ZNF680: variants seen among roughly 807,000 people sequenced by gnomAD.
ZNF680 encodes zinc finger protein 680.
A neutral mutation model predicts 12.1 loss-of-function variants in ZNF680; 6 were observed. The ratio of observed to expected loss-of-function variants is 0.49; its 90% CI spans 0.27 to 0.98. The LOEUF (loss-of-function observed/expected upper bound fraction) is 0.98. Among genes scored for constraint, ZNF680 ranks in the 50% least tolerant of loss-of-function variants. ZNF680 has a pLI of 0.12. For missense variants in ZNF680, 561 were observed against 616.3 expected (o/e 0.91, Z 0.95); for synonymous variants, 170 against 199.3 (o/e 0.85, Z 1.24).
chr7:64,512,457 C>CAAAAAAAAA, the ZNF680 span, among the ~76,000 whole-genome samples: 4 of 87,234 alleles, frequency 4.6e-5, no homozygotes, highest in African/African-American at 8.8e-5. Flanking sequence ...CCGTCTCCAG[C>CAAAAAAAAA]AAAAAAAAAA....
intron 3 of ZNF680, among the ~76,000 whole-genome samples, chr7:64,542,192 T>C (rs1786541906): frequency 6.6e-6 from 1 of 152,092 alleles, no homozygotes; most frequent in Non-Finnish European, 1.5e-5. Context: ...CCCTCTCCAC[T>C]ACAAACCCAG....
At chr7:64,548,401 A>G (rs79630343) in intron 1 of ZNF680, among the ~76,000 whole-genome samples, 2,858 of 152,332 alleles carry the variant, frequency 0.019, 107 homozygotes, top group African/African-American at 0.064. Context: ...ACATTGTACC[A>G]ACCATATACT....
At chr7:64,510,923 A>ATAT in the ZNF680 span, among the ~76,000 whole-genome samples, 1 of 69,612 alleles carries the variant, frequency 1.4e-5, no homozygotes, top group Non-Finnish European at 2.7e-5. Flanking sequence ...AAAAAAAAAT[A>ATAT]AAAAATAAAA....
chr7:64,557,656 G>C (rs1370023369), intron 1 of ZNF680, among the ~76,000 whole-genome samples: 1 of 152,216 alleles, frequency 6.6e-6, no homozygotes, highest in Non-Finnish European at 1.5e-5. Context: ...GGGAGGCTGA[G>C]GCAGGCAGAT....
At chr7:64,522,688 A>G (rs911302046) in intron 3 of ZNF680, among the ~76,000 whole-genome samples, 188 bp from the exon 4 acceptor site, 1 of 151,994 alleles carries the variant, frequency 6.6e-6, no homozygotes, top group Non-Finnish European at 1.5e-5. Context: ...TAGGATACAC[A>G]CAATGATATT....
intron 3 of ZNF680, among the ~76,000 whole-genome samples, chr7:64,539,281 TG>T: frequency 7.2e-6 from 1 of 139,024 alleles, no homozygotes; most frequent in East Asian, 2.3e-4. Flanking sequence ...TGTTTGAACC[TG>T]GGAGGTAGAG....
chr7:64,539,062 C>T (rs930897770), intron 3 of ZNF680, among the ~76,000 whole-genome samples: 15 of 134,788 alleles, frequency 1.1e-4, no homozygotes, highest in Admixed American at 6.7e-4. Context: ...ACCTGGGAGG[C>T]GGAGACTGCA....
Position 64,522,119 on chromosome 7 carries a change from C to T in ZNF680, c.635G>A (p.Cys212Tyr), listed in dbSNP as rs753015464. Residue 212 changes from cysteine (C) to tyrosine (Y), a missense_variant, in exon 4 of 4, where the codon TGT becomes TAT. Physicochemically the swap from Cys to Tyr is radical, Grantham distance 194. Coordinates refer to ENST00000309683, the MANE Select transcript of ZNF680 (RefSeq NM_178558.5). ...GTTAAGAACTTTGCCACATTCCTCA[C>T]ATTTGTAAGAATTCTCTCTAGTGTG... ...RIHTRENSYK[C>Y]EECGKVLNWF... 7 of 1,611,264 alleles carry T rather than the reference C, an allele frequency of 4.3e-6. No individual in the cohort carries two copies. The Admixed American group carries it at 6.7e-5, about 15-fold the overall frequency.
chr7:64,503,840 C>T, the ZNF680 span, among the ~76,000 whole-genome samples: 1 of 152,156 alleles, frequency 6.6e-6, no homozygotes, highest in African/African-American at 2.4e-5. Context: ...CCACTCACTA[C>T]TAGTCAATGT....
chr7:64,521,187 A>T lies in ZNF680; in HGVS notation c.1567T>A (p.Cys523Ser). ...TAGGTGTTATCAAAATTATTGTCAC[A>T]TTTTTCAGGTTTGTAGAGTTTCTCA... Reference protein sequence around the residue: ...TGEKLYKPEKCDNNFDNT With the variant: ...TGEKLYKPEKSDNNFDNT Residue 523 changes from cysteine to serine, a missense_variant, in exon 4 of 4, where the codon TGT becomes AGT. Cys to Ser is a moderately radical substitution (Grantham distance 112). Transcript: ENST00000309683. The T allele has an allele frequency of 6.2e-7, 1 of 1,608,954 alleles. No homozygotes were observed. The highest frequency in any genetic ancestry group is 8.5e-7 in the Non-Finnish European group (1 of 1,178,036).
intron 1 of ZNF680, among the ~76,000 whole-genome samples, chr7:64,560,279 A>G (rs1787662368): frequency 6.6e-6 from 1 of 151,886 alleles, no homozygotes; most frequent in Non-Finnish European, 1.5e-5. Context: ...ACGCCCGGCT[A>G]ATTTTTGTAT....
chr7:64,528,816 C>A (rs1785704643), intron 3 of ZNF680, among the ~76,000 whole-genome samples: 1 of 152,150 alleles, frequency 6.6e-6, no homozygotes, highest in Non-Finnish European at 1.5e-5. Context: ...CTCCACCCTA[C>A]CACAGCTGAT....
chr7:64,531,606 A>AAC (rs1361624848), intron 3 of ZNF680, among the ~76,000 whole-genome samples: 3 of 151,742 alleles, frequency 2.0e-5, no homozygotes, highest in Non-Finnish European at 2.9e-5. Flanking sequence ...CAAAAAAAAA[A>AAC]AAAAAAAAAC....
intron 3 of ZNF680, among the ~76,000 whole-genome samples, chr7:64,523,934 A>G (rs934648929): frequency 6.6e-6 from 1 of 152,116 alleles, no homozygotes; most frequent in Non-Finnish European, 1.5e-5. Flanking sequence ...AAGAATTTTA[A>G]AAACCAAGAT....
intron 3 of ZNF680, among the ~76,000 whole-genome samples, chr7:64,529,096 T>C (rs1250422708): frequency 6.6e-6 from 1 of 152,078 alleles, no homozygotes; most frequent in Non-Finnish European, 1.5e-5. Flanking sequence ...AGCTCGGCTC[T>C]CAGGAAGCCA....
chr7:64,560,206 C>T (rs1421368080), intron 1 of ZNF680, among the ~76,000 whole-genome samples: 3 of 151,698 alleles, frequency 2.0e-5, no homozygotes, highest in East Asian at 2.0e-4. Context: ...CTCCACCCCC[C>T]GGGTTCAAGC....
At chr7:64,545,353 A>G (rs59243255) in intron 1 of ZNF680, among the ~76,000 whole-genome samples, 5,846 of 151,798 alleles carry the variant, frequency 0.039, 371 homozygotes, top group East Asian at 0.32. Context: ...TTCCAAAGAC[A>G]TATATGCAAA....
intron 1 of ZNF680, among the ~76,000 whole-genome samples, chr7:64,556,229 T>A: frequency 7.6e-6 from 1 of 132,394 alleles, no homozygotes. Flanking sequence ...GCTATTTCTA[T>A]CAAACTACCA....
intron 1 of ZNF680, among the ~76,000 whole-genome samples, chr7:64,552,564 G>A (rs1339951338): frequency 1.3e-5 from 2 of 152,044 alleles, no homozygotes; most frequent in South Asian, 4.1e-4. Context: ...TACCAGATAA[G>A]GTAATAAGTA....
Sources: allele counts gnomAD v4.1 joint callset (sites outside exome capture counted in the v4.1 genomes callset), GRCh38; gene constraint gnomAD v4.1.1; transcripts MANE v1.5; gene names NCBI Gene and HGNC (gene_info 2026-07-23, HGNC 2026-07-21).